The following CYRIB variants were observed in gnomAD, a reference collection of about 807,000 sequenced individuals.
CYRIB encodes the protein CYFIP related Rac1 interactor B.
A neutral mutation model predicts 44.2 loss-of-function variants in CYRIB; 8 were observed. That is an observed-to-expected ratio of 0.18 (90% CI 0.11 to 0.33). The LOEUF (loss-of-function observed/expected upper bound fraction) is 0.33, where lower values mean the gene tolerates loss of function less well. Among genes scored for constraint, CYRIB ranks in the 10% least tolerant of loss-of-function variants. CYRIB has a pLI of 1.00. For missense variants in CYRIB, 185 were observed against 382.8 expected, an observed-to-expected ratio of 0.48 and a Z score of 4.31; for synonymous variants, 131 against 127.2, an observed-to-expected ratio of 1.03 and a Z score of -0.20.
intron 1 of CYRIB, among the ~76,000 whole-genome samples, chr8:130,013,810 G>A (rs2097281161): frequency 6.6e-6 from 1 of 152,208 alleles, no homozygotes; most frequent in South Asian, 2.1e-4. Flanking sequence ...GTCAACTGCA[G>A]GCCAGTGCGC....
intron 1 of CYRIB, among the ~76,000 whole-genome samples, chr8:129,935,302 A>G (rs2092594040): frequency 6.6e-6 from 1 of 152,228 alleles, no homozygotes; most frequent in Admixed American, 6.5e-5. Context: ...ATGGTCCCCA[A>G]TCTTTTTGGG....
intron 2 of CYRIB, among the ~76,000 whole-genome samples, chr8:129,895,736 G>A (rs867236853): frequency 6.6e-6 from 1 of 152,066 alleles, no homozygotes; most frequent in African/African-American, 2.4e-5. Context: ...ATGAATGAGG[G>A]TGAATGAATA....
At chr8:129,906,407 A>T (rs1398311640) in intron 1 of CYRIB, among the ~76,000 whole-genome samples, 2 of 152,252 alleles carry the variant, frequency 1.3e-5, no homozygotes, top group East Asian at 3.8e-4. Flanking sequence ...ATATGTAGAA[A>T]GCTGAAACTG....
intron 4 of CYRIB, among the ~76,000 whole-genome samples, chr8:129,863,457 G>A (rs1024970788): frequency 4.0e-5 from 6 of 151,782 alleles, no homozygotes; most frequent in African/African-American, 1.5e-4. Flanking sequence ...CCCGGGAAGT[G>A]GAGGCTGCAG....
chr8:129,992,891 G>T (rs17194924), intron 1 of CYRIB, among the ~76,000 whole-genome samples: 20,752 of 152,120 alleles, frequency 0.14, 1,466 homozygotes, highest in South Asian at 0.26. Flanking sequence ...CGCAAATTTG[G>T]CTCCGAGCTT....
upstream of CYRIB, among the ~76,000 whole-genome samples, chr8:129,941,273 A>AT (rs11418510): frequency 0.086 from 10,759 of 125,822 alleles, 1,666 homozygotes; most frequent in African/African-American, 0.3. Flanking sequence ...ACTGAAGGAG[A>AT]TTTTTTTTTT....
At chr8:129,932,199 C>T (rs1279466593) in intron 1 of CYRIB, among the ~76,000 whole-genome samples, 1 of 151,902 alleles carries the variant, frequency 6.6e-6, no homozygotes, top group Admixed American at 6.6e-5. Flanking sequence ...AGGGTTTCAC[C>T]ATGTTGGGTA....
upstream of CYRIB, among the ~76,000 whole-genome samples, chr8:129,944,368 G>A (rs937269448): frequency 6.6e-6 from 1 of 152,168 alleles, no homozygotes; most frequent in Non-Finnish European, 1.5e-5. Flanking sequence ...GAGGAGACTG[G>A]GGTTGTCGGG....
At chr8:129,998,144 A>C (rs898950395) in intron 1 of CYRIB, among the ~76,000 whole-genome samples, 4 of 151,736 alleles carry the variant, frequency 2.6e-5, no homozygotes, top group Non-Finnish European at 5.9e-5. Context: ...AAAAACAAAA[A>C]AAACACCTCA....
rs2094441436 is a variant in CYRIB, at chr8:129,950,359, C to T, written c.-243+20584G>A. Among the ~76,000 whole-genome samples, 9 of 152,136 alleles carry T rather than the reference C, an allele frequency of 5.9e-5. No individual in the cohort carries two copies. In the South Asian group the frequency reaches 1.7e-3, roughly 28 times the overall value. On this transcript the variant is annotated intron_variant, in intron 2 of 14. Coordinates refer to the CYRIB transcript ENST00000401979. ...CCATGGCAGACGGATCACCTGAGGT[C>T]AGGAGTTCGAGACCAGCCTGGCCAG...
intron 10 of CYRIB, among the ~76,000 whole-genome samples, chr8:129,847,491 G>A (rs1296835233): frequency 7.2e-5 from 11 of 151,968 alleles, no homozygotes; most frequent in Non-Finnish European, 1.5e-5. Flanking sequence ...AAAAAATAAA[G>A]GACAGAATGA....
chr8:129,871,155 T>C (rs1176312001), intron 4 of CYRIB, among the ~76,000 whole-genome samples: 1 of 152,116 alleles, frequency 6.6e-6, no homozygotes, highest in Non-Finnish European at 1.5e-5. Flanking sequence ...AAAAAGTAAA[T>C]AACATTTTCT....
At chr8:129,957,132 G>A (rs1409201604) in intron 2 of CYRIB, among the ~76,000 whole-genome samples, 1 of 152,174 alleles carries the variant, frequency 6.6e-6, no homozygotes, top group Non-Finnish European at 1.5e-5. Flanking sequence ...TAAATGCTGA[G>A]ATTACAGGCA....
At chr8:129,895,565 T>C (rs995802396) in intron 2 of CYRIB, among the ~76,000 whole-genome samples, 1 of 152,152 alleles carries the variant, frequency 6.6e-6, no homozygotes, top group East Asian at 1.9e-4. Context: ...TTGCATTAAA[T>C]ATATAATTGC....
At chr8:129,991,971 A>AAAAAAAAAAAAAAAGAGAGAG (rs994697259) in intron 1 of CYRIB, among the ~76,000 whole-genome samples, 3 of 134,604 alleles carry the variant, frequency 2.2e-5, no homozygotes, top group Non-Finnish European at 3.3e-5. Context: ...AAAAAAAAAA[A>AAAAAAAAAAAAAAAGAGAGAG]ACAATAGGAA....
intron 7 of CYRIB, among the ~76,000 whole-genome samples, chr8:129,853,900 C>T (rs867262701): frequency 2.6e-5 from 4 of 152,186 alleles, no homozygotes; most frequent in African/African-American, 7.2e-5. Flanking sequence ...AATTAACCCA[C>T]GTCAATTTCT....
At chr8:129,857,399 A>G (rs1397892567) in intron 5 of CYRIB, among the ~76,000 whole-genome samples, 1 of 152,262 alleles carries the variant, frequency 6.6e-6, no homozygotes, top group Admixed American at 6.5e-5. Context: ...ACAGAAAGGC[A>G]GGAAGCCAGA....
At chr8:129,931,997 C>CTTTTT (rs1235113746) in intron 1 of CYRIB, among the ~76,000 whole-genome samples, 2 of 129,424 alleles carry the variant, frequency 1.5e-5, no homozygotes, top group Admixed American at 7.9e-5. Context: ...TAAGTATCTT[C>CTTTTT]TTTTTTTTTT....
At chr8:129,925,022 T>G (rs1302090632) in intron 1 of CYRIB, among the ~76,000 whole-genome samples, 1 of 152,176 alleles carries the variant, frequency 6.6e-6, no homozygotes, top group Non-Finnish European at 1.5e-5. Context: ...CACTACACGC[T>G]TTTACTCCAC....
Sources: allele counts gnomAD v4.1 joint callset (sites outside exome capture counted in the v4.1 genomes callset), GRCh38; gene constraint gnomAD v4.1.1; transcripts MANE v1.5; gene names NCBI Gene and HGNC (gene_info 2026-07-23, HGNC 2026-07-21).